The following PATE2 variants were observed in gnomAD, a reference collection of about 807,000 sequenced individuals.
The protein encoded by PATE2 is prostate and testis expressed protein 2.
PATE2 carries 7 observed loss-of-function variants against 10.5 expected under a neutral mutation model. That is an observed-to-expected ratio of 0.66 (90% CI 0.38 to 1.25). The LOEUF is 1.25. PATE2 is among the 50% of genes most tolerant of loss of function. PATE2 has a pLI of 0.02. For synonymous variants in PATE2, 44 were observed against 46.9 expected (o/e 0.94, Z 0.25); for missense variants, 133 against 135.4 (o/e 0.98, Z 0.09).
In PATE2 at chr11:125,777,208, C is replaced by A; in HGVS notation, c.*174G>T. On this transcript the variant is annotated 3_prime_UTR_variant, in exon 4 of 4. Transcript: ENST00000358524. ...AAGAGTGAGTCTAGTGCTCCATCAT[C>A]AATAGGCTCCGCTGTCCACACTGCG... The A allele has an allele frequency of 1.5e-6, 1 of 686,772 alleles. No homozygotes were observed. Among genetic ancestry groups the A allele is most frequent in the East Asian group, 2.8e-5 (1 of 35,608 alleles). 42.5% of individuals were successfully genotyped at this position (686,772 alleles called of 1,614,324 possible).
intron 2 of PATE2, 95 bp downstream of exon 2, chr11:125,778,457 A>G (rs1591464548): frequency 7.5e-7 from 1 of 1,331,994 alleles, no homozygotes; most frequent in East Asian, 2.3e-5. Context: ...ATAAGAATGG[A>G]TTACAGGCCT....
intron 2 of PATE2, among the ~76,000 whole-genome samples, chr11:125,778,264 A>G (rs995009368): frequency 4.6e-5 from 7 of 152,166 alleles, no homozygotes; most frequent in African/African-American, 1.7e-4. Flanking sequence ...AACACTGTAT[A>G]TGATTTCAGG....
Position 125,777,019 on chromosome 11 carries a change from TAGA to T in PATE2, c.*360_*362del. The T allele has an allele frequency of 1.5e-5, 3 of 197,632 alleles. No homozygotes were observed. The allele number at this position is 197,632 out of a possible 1,614,324, so 12.2% of individuals were successfully genotyped here. On this transcript the variant is annotated 3_prime_UTR_variant, in exon 4 of 4. Transcript: ENST00000358524. ...AGAGGAGTGTGTGTGTAGATGAGGA[TAGA>T]GGATAGTCACAGAATTCTCAGTACA...
At chr11:125,778,065 G>T in intron 2 of PATE2, 63 bp from the exon 3 acceptor site, 1 of 1,571,482 alleles carries the variant, frequency 6.4e-7, no homozygotes, top group Non-Finnish European at 8.7e-7. Flanking sequence ...TGGGGCTGGG[G>T]GCTTCACTAC....
intron 2 of PATE2, among the ~76,000 whole-genome samples, 163 bp from the exon 3 acceptor site, chr11:125,778,165 G>A (rs1251588564): frequency 6.6e-6 from 1 of 151,960 alleles, no homozygotes; most frequent in Non-Finnish European, 1.5e-5. Flanking sequence ...TCATGCTGCG[G>A]TCCTCCCCAT....
rs770957125 is a variant in PATE2, at chr11:125,777,338, C to T, written c.*44G>A. 85 of 1,598,974 alleles carry T rather than the reference C, an allele frequency of 5.3e-5. No homozygotes were observed. Among genetic ancestry groups the T allele is most frequent in the Middle Eastern group, 1.7e-4 (1 of 6,020 alleles). On this transcript the variant is annotated 3_prime_UTR_variant, in exon 4 of 4. Transcript: ENST00000358524. ...TCAGGTTCAGGGAAGAGAAAAAGAG[C>T]GTAGTGGTTGAAAAAGAACCCAAAA...
intron 2 of PATE2, 95 bp from the exon 3 acceptor site, chr11:125,778,097 G>T: frequency 7.3e-7 from 1 of 1,367,610 alleles, no homozygotes; most frequent in Non-Finnish European, 1.0e-6. Flanking sequence ...CTTGCCTAGT[G>T]GTTCCTAACA....
chr11:125,778,427 G>A (rs1045475249), intron 2 of PATE2, 125 bp downstream of exon 2: 16 of 1,093,240 alleles, frequency 1.5e-5, no homozygotes, highest in South Asian at 8.8e-5. Flanking sequence ...GGCAGGAGGC[G>A]AAACCCCTAG....
rs1480887012 is a variant in PATE2 at position 125,778,824 on chromosome 11, C to G, written c.-51G>C. ...TCCTGTGGAAGGAGCAAGTTGTTCT[C>G]TTGTGATCTGTCCTTGGGCTAGTCA... On this transcript the variant is annotated 5_prime_UTR_variant, in exon 1 of 4. Coordinates refer to ENST00000358524, the MANE Select transcript of PATE2 (RefSeq NM_212555.3). The G allele has an allele frequency of 1.9e-6, 3 of 1,593,846 alleles. No homozygotes were observed. The highest frequency in any genetic ancestry group is 2.6e-6 in the Non-Finnish European group (3 of 1,163,184).
At chr11:125,778,607 A>C (rs760725822) in intron 1 of PATE2, 32 bp from the exon 2 acceptor site, 21 of 1,612,766 alleles carry the variant, frequency 1.3e-5, no homozygotes, top group Middle Eastern at 3.3e-4. Context: ...TCCATGTTAC[A>C]GTCTCACATA....
chr11:125,778,437 G>T, intron 2 of PATE2, 115 bp downstream of exon 2: 1 of 1,181,160 alleles, frequency 8.5e-7, no homozygotes, highest in Non-Finnish European at 1.2e-6. Flanking sequence ...GAAACCCCTA[G>T]GATTCTATAA....
Position 125,777,602 on chromosome 11 carries a change from C to T in PATE2, c.206-84G>A, listed in dbSNP as rs1943498207. On this transcript the variant is annotated intron_variant, in intron 3 of 3. Coordinates refer to ENST00000358524, the MANE Select transcript of PATE2 (RefSeq NM_212555.3). ...TCCTAGGAGTAATCTGTTTTTGTGT[C>T]CTCACTAACCTTTCTCTAGGCCCAA... 7.2e-6 allele frequency: 11 copies of T among 1,523,264 alleles called. No homozygotes were observed. The Admixed American group carries it at 1.2e-4, about 17-fold the overall frequency. The allele number at this position is 1,523,264 out of a possible 1,614,324, so 94.4% of individuals were successfully genotyped here.
In PATE2 at chr11:125,778,763, A is replaced by C. The variant is rs762161553; in HGVS notation, c.11T>G (p.Leu4Arg). Residue 4 changes from leucine to arginine, a missense_variant, in exon 1 of 4, where the codon CTC becomes CGC. Transcript: ENST00000358524. ...CAGAAAGACTGTGCCCAGGAGAAAG[A>C]GAACAAGCATCCTGGAGCTTCTGTC... is the stretch of plus-strand genomic sequence containing the variant. Reference protein sequence around the residue: MLVLFLLGTVFLLC... With the variant: MLVRFLLGTVFLLC... The C allele has an allele frequency of 2.5e-6, 4 of 1,613,558 alleles. No homozygotes were observed. The Admixed American group carries it at 6.7e-5, about 27-fold the overall frequency.
rs757931292 is a variant in PATE2, at chr11:125,777,432, G to C, written c.292C>G (p.Leu98Val). The C allele has an allele frequency of 6.2e-7, 1 of 1,613,756 alleles. No homozygotes were observed. The highest frequency in any genetic ancestry group is 8.5e-7 in the Non-Finnish European group (1 of 1,179,796). ...TAGTTACTATGATCACAACAGATGA[G>C]CTCTACCCTCTTCGTGAACCCCAGG... ...NFLGFTKRVE[L>V]ICCDHSNYCN... The change falls in exon 4 of 4, where the codon CTC (leucine) becomes GTC (valine). Residue 98 changes from leucine to valine, a missense_variant. By Grantham distance (32) the Leu-to-Val change is conservative. Coordinates refer to ENST00000358524, the MANE Select transcript of PATE2 (RefSeq NM_212555.3).
rs1591464276 is a variant in PATE2, at chr11:125,777,866, C to T, written c.205+8G>A. 3.1e-6 allele frequency: 5 copies of T among 1,612,748 alleles called. No individual in the cohort carries two copies. Among genetic ancestry groups the T allele is most frequent in the East Asian group, 2.2e-5 (1 of 44,850 alleles). On this transcript the variant is annotated splice_region_variant and intron_variant, in intron 3 of 3. Coordinates refer to ENST00000358524, the MANE Select transcript of PATE2 (RefSeq NM_212555.3). ...GTGATTTTCCAGTCACTCTATACTC[C>T]ACATTACCTTTCCTTGTAAGGATGT...
Position 125,776,328 on chromosome 11 carries a change from A to G in PATE2, c.*1054T>C, listed in dbSNP as rs4937035. On this transcript the variant is annotated 3_prime_UTR_variant, in exon 4 of 4. Transcript: ENST00000358524. ...CAGTCAGCCTTATAAGGACAGAAAC[A>G]CCAGGGTTAGTGTGTATCCAAGGAA... The G allele has an allele frequency of 0.33, 50,084 of 151,956 alleles. 8,411 individuals are homozygous for G. The highest frequency in any genetic ancestry group is 0.37 in the East Asian group (1,902 of 5,142). The allele number at this position is 151,956 out of a possible 1,614,324, so 9.4% of individuals were successfully genotyped here.
chr11:125,778,013 C>T lies in PATE2; in HGVS notation c.77-11G>A. ...ACATTATTTCAGTCGCTGCCAGATACAAAAAGAGGTGCTTAGAGGATGCAG... is the reference window on the plus strand; with the variant it reads ...ACATTATTTCAGTCGCTGCCAGATATAAAAAGAGGTGCTTAGAGGATGCAG... On this transcript the variant is annotated splice_polypyrimidine_tract_variant and intron_variant, in intron 2 of 3. Coordinates refer to ENST00000358524, the MANE Select transcript of PATE2 (RefSeq NM_212555.3). 1 of 1,611,420 alleles carries T rather than the reference C, an allele frequency of 6.2e-7. No homozygotes were observed. Among genetic ancestry groups the T allele is most frequent in the African/African-American group, 1.3e-5 (1 of 74,914 alleles).
intron 2 of PATE2, among the ~76,000 whole-genome samples, chr11:125,778,220 T>G (rs1470065774): frequency 1.3e-5 from 2 of 152,110 alleles, no homozygotes; most frequent in African/African-American, 4.8e-5. Context: ...ATTAAAAAAA[T>G]CTTGTGAAAG....
chr11:125,778,205 C>T (rs1393140651), intron 2 of PATE2, among the ~76,000 whole-genome samples: 1 of 152,020 alleles, frequency 6.6e-6, no homozygotes, highest in African/African-American at 2.4e-5. Flanking sequence ...TACACATTTT[C>T]TCCAATTAAA....
Sources: gnomAD v4.1 joint callset for allele counts (sites outside exome capture counted in the v4.1 genomes callset) on GRCh38, gnomAD v4.1.1 for gene constraint, MANE v1.5 for transcripts, NCBI Gene and HGNC (gene_info 2026-07-23, HGNC 2026-07-21) for gene names.